PPP2R5A: variants seen among roughly 807,000 people sequenced by gnomAD.
The protein encoded by PPP2R5A is protein phosphatase 2 regulatory subunit B'alpha.
A neutral mutation model predicts 64.2 loss-of-function variants in PPP2R5A; 25 were observed. The ratio of observed to expected loss-of-function variants is 0.39; its 90% CI spans 0.28 to 0.54. The LOEUF is 0.54. PPP2R5A is among the 20% of genes least tolerant of loss of function. The pLI, the probability that PPP2R5A is intolerant of heterozygous loss-of-function variation, is 0.67. For missense variants in PPP2R5A, 425 were observed against 576.3 expected, an observed-to-expected ratio of 0.74 and a Z score of 2.69; for synonymous variants, 198 against 201.2, an observed-to-expected ratio of 0.98 and a Z score of 0.13.
chr1:212,296,090 T>C (rs1207178441), intron 1 of PPP2R5A, among the ~76,000 whole-genome samples: 1 of 151,760 alleles, frequency 6.6e-6, no homozygotes, highest in Non-Finnish European at 1.5e-5. Context: ...ATATCTTAGA[T>C]AGGACCTTGT....
chr1:212,329,768 C>T (rs1659468003), intron 2 of PPP2R5A, among the ~76,000 whole-genome samples: 1 of 152,186 alleles, frequency 6.6e-6, no homozygotes, highest in Non-Finnish European at 1.5e-5. Context: ...GCCTCAGCCT[C>T]CCGAGTAGCT....
intron 1 of PPP2R5A, among the ~76,000 whole-genome samples, chr1:212,315,065 A>AAT (rs1278698757): frequency 6.6e-6 from 1 of 152,204 alleles, no homozygotes; most frequent in East Asian, 1.9e-4. Flanking sequence ...ATAGAAAATG[A>AAT]ATACCCCAGG....
At position 212,357,263 on chromosome 1, in the gene PPP2R5A, T is replaced by C. The variant is rs747076704; in HGVS notation, c.1205T>C (p.Ile402Thr). The change falls in exon 11 of 13, where the codon ATT becomes ACT. Residue 402 changes from isoleucine to threonine, a missense_variant. Ile to Thr is a moderately conservative substitution (Grantham distance 89). Coordinates refer to ENST00000261461, the MANE Select transcript of PPP2R5A (RefSeq NM_006243.4). ...LPIMFASLYK[I>T]SKEHWNPTIV... ...ATTATGTTTGCCAGTTTGTACAAAA[T>C]TTCCAAAGAACACTGGAATCCGTAA... 5.3e-5 allele frequency: 84 copies of C among 1,585,526 alleles called. No individual in the cohort carries two copies. The highest frequency in any genetic ancestry group is 7.0e-5 in the Non-Finnish European group (82 of 1,171,324).
chr1:212,328,329 TAAAA>T (rs921314477), intron 1 of PPP2R5A, among the ~76,000 whole-genome samples: 36 of 151,040 alleles, frequency 2.4e-4, no homozygotes, highest in Admixed American at 6.6e-4. Context: ...AAATAAAAAT[TAAAA>T]AAAAAGAAGG....
intron 1 of PPP2R5A, among the ~76,000 whole-genome samples, chr1:212,315,983 T>TC (rs1270282897): frequency 6.6e-6 from 1 of 152,198 alleles, no homozygotes; most frequent in Non-Finnish European, 1.5e-5. Context: ...TCACACTTAA[T>TC]CAGTAGGTGT....
intron 2 of PPP2R5A, 43 bp downstream of exon 2, chr1:212,329,374 A>T: frequency 7.2e-7 from 1 of 1,391,404 alleles, no homozygotes; most frequent in Non-Finnish European, 9.6e-7. Flanking sequence ...TGTAAATTTA[A>T]GATCTGAGGT....
chr1:212,303,919 A>G (rs1658845416), intron 1 of PPP2R5A, among the ~76,000 whole-genome samples: 1 of 152,076 alleles, frequency 6.6e-6, no homozygotes, highest in Admixed American at 6.5e-5. Context: ...CACTGTCTTG[A>G]TTACTTGTTT....
chr1:212,354,596 A>G (rs792441), intron 8 of PPP2R5A, among the ~76,000 whole-genome samples: 126,958 of 152,006 alleles, frequency 0.84, 53,488 homozygotes, highest in African/African-American at 0.95. Context: ...AGGCAGGAGG[A>G]TCATTTAAGC....
chr1:212,342,184 A>G lies in PPP2R5A; in HGVS notation c.481-4A>G. 6.2e-7 allele frequency: 1 copy of G among 1,612,870 alleles called. No individual in the cohort carries two copies. The highest frequency in any genetic ancestry group is 1.1e-5 in the South Asian group (1 of 90,898). ...CTTAGCCTTTATTTGACTTTCTCTC[A>G]TAGTTGGTATATGAATTCTTCTTGA... is the stretch of plus-strand genomic sequence containing the variant. On this transcript the variant is annotated splice_region_variant and splice_polypyrimidine_tract_variant and intron_variant, in intron 3 of 12. Transcript: ENST00000261461.
In PPP2R5A at chr1:212,330,683, A is replaced by G. The variant is rs183901516; in HGVS notation, c.378+1352A>G. On this transcript the variant is annotated intron_variant, in intron 2 of 12. Transcript: ENST00000261461. Reference sequence around the variant, plus strand: ...GCCTTCATTTCTTTCCCCTTGCCTAATATATGTTCTTGGGGAAGAACCAAA... The same window carrying G: ...GCCTTCATTTCTTTCCCCTTGCCTAGTATATGTTCTTGGGGAAGAACCAAA... Among the ~76,000 whole-genome samples, 9 of 152,266 alleles carry G rather than the reference A, an allele frequency of 5.9e-5. No individual in the cohort carries two copies. In the East Asian group the frequency reaches 1.7e-3, roughly 29 times the overall value.
At chr1:212,303,464 C>A (rs1459344173) in intron 1 of PPP2R5A, among the ~76,000 whole-genome samples, 1 of 151,372 alleles carries the variant, frequency 6.6e-6, no homozygotes. Flanking sequence ...TGTAAGAATT[C>A]TTTATATGTC....
intron 2 of PPP2R5A, among the ~76,000 whole-genome samples, chr1:212,332,162 A>G (rs1042013061): frequency 6.6e-6 from 1 of 152,208 alleles, no homozygotes; most frequent in South Asian, 2.1e-4. Flanking sequence ...TTTGCCCTCA[A>G]GTACTGACTT....
chr1:212,336,548 A>C (rs1263795440), intron 3 of PPP2R5A, among the ~76,000 whole-genome samples: 1 of 152,224 alleles, frequency 6.6e-6, no homozygotes, highest in South Asian at 2.1e-4. Context: ...CTGAAAACCA[A>C]AATTTCTAGA....
At chr1:212,335,431 C>T (rs1375403955) in intron 3 of PPP2R5A, among the ~76,000 whole-genome samples, 4 of 150,540 alleles carry the variant, frequency 2.7e-5, no homozygotes, top group East Asian at 1.9e-4. Flanking sequence ...GCCGAGATTG[C>T]GCCATTGCAC....
intron 1 of PPP2R5A, among the ~76,000 whole-genome samples, chr1:212,305,132 G>A (rs925824153): frequency 3.3e-5 from 5 of 150,014 alleles, no homozygotes; most frequent in South Asian, 2.1e-4. Context: ...CGCCTCCCGG[G>A]TTCACGCCAT....
At position 212,286,125 on chromosome 1, in the gene PPP2R5A, G is replaced by C. The variant is rs1241710354; in HGVS notation, c.15G>C (p.Ser5=). MSSS[S]PPAGAASAAI... ...GGGCCGCGGAGATGTCGTCGTCGTC[G>C]CCGCCGGCGGGGGCTGCCAGCGCCG... Residue 5 remains serine (S), a synonymous_variant, in exon 1 of 13, where the codon TCG becomes TCC. Transcript: ENST00000261461. The C allele has an allele frequency of 6.3e-7, 1 of 1,579,070 alleles. No individual in the cohort carries two copies. The highest frequency in any genetic ancestry group is 2.3e-5 in the East Asian group (1 of 42,748).
chr1:212,316,587 C>CTTTTTTTTTTTTTTTTTTTTTTTT (rs751228809), intron 1 of PPP2R5A, among the ~76,000 whole-genome samples: 5 of 36,670 alleles, frequency 1.4e-4, no homozygotes, highest in African/African-American at 3.2e-4. Context: ...TTGTGGGTGA[C>CTTTTTTTTTTTTTTTTTTTTTTTT]TTTTTTTTTT....
intron 1 of PPP2R5A, among the ~76,000 whole-genome samples, chr1:212,290,172 C>T (rs1658575335): frequency 6.6e-6 from 1 of 152,132 alleles, no homozygotes; most frequent in African/African-American, 2.4e-5. Flanking sequence ...GTATTGAGGC[C>T]AGTAATAGTG....
At position 212,292,484 on chromosome 1, in the gene PPP2R5A, A is replaced by ACAG. The variant is rs796303453; in HGVS notation, c.181+6193_181+6194insCAG. Among the ~76,000 whole-genome samples, 17 of 132,666 alleles carry ACAG rather than the reference A, an allele frequency of 1.3e-4. No homozygotes were observed. In the South Asian group the frequency reaches 3.0e-3, roughly 23 times the overall value. 87.0% of individuals were successfully genotyped at this position (132,666 alleles called of 152,430 possible). A position where few individuals can be genotyped will look rare whatever the true frequency, so the allele number is the denominator to read the frequency against. On this transcript the variant is annotated intron_variant, in intron 1 of 12. Coordinates refer to ENST00000261461, the MANE Select transcript of PPP2R5A (RefSeq NM_006243.4). ...GAAGAAATTATATGTTGGTTGTCTT[A>ACAG]TAGTCACTCCTTCCCCTTTAGATTG... is the stretch of plus-strand genomic sequence containing the variant.
Sources: allele counts gnomAD v4.1 joint callset (sites outside exome capture counted in the v4.1 genomes callset), GRCh38; gene constraint gnomAD v4.1.1; transcripts MANE v1.5; gene names NCBI Gene and HGNC (gene_info 2026-07-23, HGNC 2026-07-21).